The following MPPED2 variants were observed in gnomAD, a reference collection of about 807,000 sequenced individuals.
The protein encoded by MPPED2 is metallophosphoesterase MPPED2.
A neutral mutation model predicts 33.0 loss-of-function variants in MPPED2; 5 were observed. The observed-to-expected ratio is 0.15, with a 90% confidence interval of 0.08 to 0.32. The LOEUF is 0.32. MPPED2 is among the 10% of genes least tolerant of loss of function. The pLI is 1.00. For missense variants in MPPED2, 275 were observed against 372.1 expected (o/e 0.74, Z 2.15); for synonymous variants, 136 against 141.9 (o/e 0.96, Z 0.29).
intron 1 of MPPED2, 28 bp from the exon 2 acceptor site, chr11:30,580,522 A>C: frequency 4.3e-6 from 6 of 1,411,182 alleles, no homozygotes; most frequent in South Asian, 1.7e-5. Context: ...TGTATATAAA[A>C]TGAGAACAAA....
chr11:30,448,389 C>T, intron 4 of MPPED2, among the ~76,000 whole-genome samples: 1 of 152,206 alleles, frequency 6.6e-6, no homozygotes, highest in East Asian at 1.9e-4. Context: ...TCCACAAACA[C>T]ACCCTTGCCA....
At chr11:30,386,462 G>A (rs916160153) in exon 7 of MPPED2, 9 of 316,462 alleles carry the variant, frequency 2.8e-5, no homozygotes, top group African/African-American at 1.5e-4. Flanking sequence ...TGCTTGAGAG[G>A]GTATAAGCTG....
chr11:30,490,793 T>C lies in MPPED2; in HGVS notation c.536+4503A>G, dbSNP rs1489943787. The stretch of plus-strand genomic sequence containing the variant: ...AGTCTTGAGGTAGCTTTCAGCTGTG[T>C]TGCAAGTTATCAACATGTAACAAAT... On this transcript the variant is annotated intron_variant, in intron 4 of 6. Coordinates refer to ENST00000358117, the MANE Select transcript of MPPED2 (RefSeq NM_001584.3). Among the ~76,000 whole-genome samples, 3 of 152,208 alleles carry C rather than the reference T, an allele frequency of 2.0e-5. No homozygotes were observed. In the East Asian group the frequency reaches 5.8e-4, roughly 29 times the overall value.
At chr11:30,481,940 C>A (rs1446838016) in intron 4 of MPPED2, among the ~76,000 whole-genome samples, 1 of 152,124 alleles carries the variant, frequency 6.6e-6, no homozygotes, top group Non-Finnish European at 1.5e-5. Flanking sequence ...ACCTTCCCAT[C>A]TTTGAATGGG....
intron 4 of MPPED2, among the ~76,000 whole-genome samples, chr11:30,471,970 C>T (rs1248329667): frequency 6.6e-6 from 1 of 151,828 alleles, no homozygotes; most frequent in Non-Finnish European, 1.5e-5. Context: ...AAACATTTTT[C>T]AGGGTTGCTA....
intron 4 of MPPED2, among the ~76,000 whole-genome samples, chr11:30,444,127 AG>A (rs1446923210): frequency 2.0e-5 from 3 of 152,236 alleles, no homozygotes; most frequent in African/African-American, 7.2e-5. Flanking sequence ...TCACTGGAAA[AG>A]CAAAAAAGAA....
At chr11:30,408,510 C>T (rs998654386), downstream of MPPED2, among the ~76,000 whole-genome samples, 3 of 152,128 alleles carry the variant, frequency 2.0e-5, no homozygotes, top group African/African-American at 7.2e-5. Flanking sequence ...CGGGGTTTCA[C>T]CATGTTGGTC....
chr11:30,553,513 C>T (rs1161906416), intron 2 of MPPED2, among the ~76,000 whole-genome samples: 3 of 152,130 alleles, frequency 2.0e-5, no homozygotes, highest in Non-Finnish European at 4.4e-5. Context: ...ACAACAAACA[C>T]GAATTTTTGT....
chr11:30,402,400 C>T (rs565004881), intron 6 of MPPED2, among the ~76,000 whole-genome samples: 168 of 152,276 alleles, frequency 1.1e-3, no homozygotes, highest in Non-Finnish European at 1.9e-3. Flanking sequence ...ACAAAAGTCT[C>T]TTATGTGCCA....
intron 2 of MPPED2, among the ~76,000 whole-genome samples, chr11:30,558,895 T>C (rs1956112065): frequency 6.6e-6 from 1 of 152,114 alleles, no homozygotes. Flanking sequence ...TCCTCCTCAT[T>C]TGGACAATTA....
At chr11:30,400,992 T>C (rs1229047252) in intron 6 of MPPED2, among the ~76,000 whole-genome samples, 1 of 152,126 alleles carries the variant, frequency 6.6e-6, no homozygotes, top group African/African-American at 2.4e-5. Flanking sequence ...TGGTCTAGAA[T>C]TCCTGAGCTC....
At chr11:30,414,096 A>G (rs777784307) in intron 6 of MPPED2, 132 bp downstream of exon 6, 8 of 640,230 alleles carry the variant, frequency 1.2e-5, no homozygotes, top group Non-Finnish European at 2.3e-5. Flanking sequence ...GATGTTTCTC[A>G]TAAGACTTCA....
chr11:30,494,039 C>A (rs906108988), intron 4 of MPPED2, among the ~76,000 whole-genome samples: 1 of 152,220 alleles, frequency 6.6e-6, no homozygotes, highest in African/African-American at 2.4e-5. Context: ...CAACCAGTAA[C>A]TTTCAAACCA....
rs576920700 is a variant in MPPED2 at position 30,417,709 on chromosome 11, A to T, written c.537-76T>A. The T allele has an allele frequency of 1.7e-4, 146 of 836,174 alleles. 3 individuals carry two copies. The South Asian group carries it at 2.0e-3, about 12-fold the overall frequency. 51.8% of individuals were successfully genotyped at this position (836,174 alleles called of 1,614,324 possible). ...GCTCTGCAATATTTCTCTCTCGCAC[A>T]TTCCCCCACGGTTTGCATTGCTCTC... On this transcript the variant is annotated intron_variant, in intron 4 of 6. Transcript: ENST00000358117.
upstream of MPPED2, among the ~76,000 whole-genome samples, chr11:30,586,489 C>T (rs892043808): frequency 6.6e-6 from 1 of 151,998 alleles, no homozygotes; most frequent in Admixed American, 6.5e-5. The surrounding 1 kb of genome is among the most constrained non-coding windows in gnomAD (Gnocchi z 4.8). Context: ...ACTCGGACCC[C>T]CACCGGTGCC....
chr11:30,539,762 G>A (rs971354254), intron 2 of MPPED2, among the ~76,000 whole-genome samples: 5 of 152,000 alleles, frequency 3.3e-5, no homozygotes, highest in Admixed American at 3.3e-4. Flanking sequence ...CTGGGGTTAT[G>A]GGCACAGGCA....
intron 3 of MPPED2, chr11:30,504,777 TCTC>T (rs1952743352): frequency 1.5e-5 from 19 of 1,288,862 alleles, no homozygotes; most frequent in African/African-American, 6.1e-5. Context: ...ACTGCTACCT[TCTC>T]CTCTGAAACT....
At chr11:30,447,616 A>G (rs759444557) in intron 4 of MPPED2, among the ~76,000 whole-genome samples, 3 of 152,216 alleles carry the variant, frequency 2.0e-5, no homozygotes, top group Non-Finnish European at 4.4e-5. Context: ...CACTCGCTGG[A>G]TATTGATAGC....
rs908502044 is a variant in MPPED2, at chr11:30,456,007, G to A, written c.537-38374C>T. ...CTTGCATTCAAAACCTCTGTGTCTT[G>A]CCTTTCAAGTACAGCATACTTTCTA... On this transcript the variant is annotated intron_variant, in intron 4 of 6. Coordinates refer to ENST00000358117, the MANE Select transcript of MPPED2 (RefSeq NM_001584.3). Among the ~76,000 whole-genome samples, 5 of 152,206 alleles carry A rather than the reference G, an allele frequency of 3.3e-5. No individual in the cohort carries two copies. In the East Asian group the frequency reaches 9.6e-4, roughly 29 times the overall value.
Sources: allele counts gnomAD v4.1 joint callset (sites outside exome capture counted in the v4.1 genomes callset), GRCh38; gene constraint gnomAD v4.1.1; non-coding constraint Gnocchi (gnomAD v3.1); transcripts MANE v1.5; gene names NCBI Gene and HGNC (gene_info 2026-07-23, HGNC 2026-07-21).